STPG2: variants seen among roughly 807,000 people sequenced by gnomAD.
STPG2 encodes the protein sperm-tail PG-rich repeat-containing protein 2.
STPG2 carries 56 observed loss-of-function variants against 54.2 expected under a neutral mutation model. That is an observed-to-expected ratio of 1.03 (90% CI 0.83 to 1.29). The LOEUF (loss-of-function observed/expected upper bound fraction) is 1.29, where lower values mean the gene tolerates loss of function less well. Ranked by LOEUF, STPG2 falls within the 50% of genes most tolerant of loss-of-function variation. STPG2 has a pLI of 0.00. For missense variants in STPG2, 596 were observed against 544.9 expected (o/e 1.09, Z -0.93); for synonymous variants, 200 against 181.8 (o/e 1.10, Z -0.81).
At chr4:98,054,822 G>A (rs1248607939) in intron 5 of STPG2, among the ~76,000 whole-genome samples, 1 of 152,120 alleles carries the variant, frequency 6.6e-6, no homozygotes, top group African/African-American at 2.4e-5. Context: ...ACTGAAACAT[G>A]CTAAATATTT....
chr4:97,799,625 C>T (rs902128656), intron 9 of STPG2, among the ~76,000 whole-genome samples: 7 of 152,208 alleles, frequency 4.6e-5, no homozygotes, highest in African/African-American at 1.4e-4. Context: ...ATTTTTTCCT[C>T]CATTTCAACT....
At chr4:97,461,657 C>T (rs185206498) in intron 4 of STPG2, among the ~76,000 whole-genome samples, 79 of 152,230 alleles carry the variant, frequency 5.2e-4, no homozygotes, top group African/African-American at 1.9e-3. Context: ...TTACAGCAGC[C>T]CAAACTGACT....
intron 8 of STPG2, among the ~76,000 whole-genome samples, chr4:97,850,486 T>C (rs1251470524): frequency 6.6e-6 from 1 of 151,848 alleles, no homozygotes; most frequent in African/African-American, 2.4e-5. Context: ...TAAAATGTTA[T>C]ACAGAATTTA....
At chr4:97,967,504 A>G (rs142744540) in intron 7 of STPG2, among the ~76,000 whole-genome samples, 63,784 of 151,500 alleles carry the variant, frequency 0.42, 13,847 homozygotes, top group Admixed American at 0.53. Flanking sequence ...TGCACCAAGC[A>G]GACCTAATAG....
At chr4:98,023,114 T>G (rs1229403067) in intron 5 of STPG2, among the ~76,000 whole-genome samples, 1 of 149,820 alleles carries the variant, frequency 6.7e-6, no homozygotes, top group African/African-American at 2.6e-5. Context: ...AGTTTCCAGT[T>G]TTTCTGCTCT....
At chr4:98,020,640 T>C (rs1736148725) in intron 5 of STPG2, among the ~76,000 whole-genome samples, 1 of 152,184 alleles carries the variant, frequency 6.6e-6, no homozygotes, top group Admixed American at 6.5e-5. Context: ...TGTGAATCCA[T>C]CTGGTCCTGG....
At chr4:97,596,304 A>G (rs1225312693) in intron 10 of STPG2, among the ~76,000 whole-genome samples, 1 of 152,160 alleles carries the variant, frequency 6.6e-6, no homozygotes, top group African/African-American at 2.4e-5. Flanking sequence ...TTTCCACCCA[A>G]TAATAGTAGT....
chr4:97,458,214 A>T (rs1396455360), intron 4 of STPG2, among the ~76,000 whole-genome samples: 1 of 152,196 alleles, frequency 6.6e-6, no homozygotes, highest in East Asian at 1.9e-4. Context: ...ATACAAAAGT[A>T]TCTGAAAGTA....
At position 98,108,684 on chromosome 4, in the gene STPG2, A is replaced by G. The variant is rs553818870; in HGVS notation, c.500+509T>C. Among the ~76,000 whole-genome samples the G allele has an allele frequency of 3.3e-5, 5 of 152,280 alleles. No individual in the cohort carries two copies. The South Asian group carries it at 1.0e-3, about 32-fold the overall frequency. On this transcript the variant is annotated intron_variant, in intron 4 of 10. Coordinates refer to ENST00000295268, the MANE Select transcript of STPG2 (RefSeq NM_174952.3). ...GTGCTGTATAATCAAACGGGCTTCA[A>G]TTTAACTTTAGCTCTGCCATTTAAT...
At chr4:97,684,808 C>G (rs1723139029) in intron 10 of STPG2, among the ~76,000 whole-genome samples, 1 of 151,684 alleles carries the variant, frequency 6.6e-6, no homozygotes, top group South Asian at 2.1e-4. Flanking sequence ...AATGAAGAGA[C>G]AAGCCAAAAA....
intron 9 of STPG2, among the ~76,000 whole-genome samples, chr4:97,800,166 CCTT>C (rs1197842807): frequency 6.6e-6 from 1 of 152,156 alleles, no homozygotes; most frequent in Non-Finnish European, 1.5e-5. Flanking sequence ...TCGTCTGAAG[CCTT>C]CTTCTCTCAA....
intron 4 of STPG2, among the ~76,000 whole-genome samples, chr4:97,442,449 A>AAAGTTAATTG (rs1350416231): frequency 2.0e-5 from 3 of 152,128 alleles, no homozygotes; most frequent in African/African-American, 7.2e-5. Context: ...AAAGTTAATT[A>AAAGTTAATTG]AAGTAGGGAG....
At chr4:98,118,419 G>C (rs1199861518) in intron 3 of STPG2, among the ~76,000 whole-genome samples, 1 of 152,044 alleles carries the variant, frequency 6.6e-6, no homozygotes, top group Non-Finnish European at 1.5e-5. Context: ...AAGCAAATAG[G>C]TACATAATTC....
chr4:97,576,467 T>C (rs1277381290), intron 10 of STPG2, among the ~76,000 whole-genome samples: 1 of 151,282 alleles, frequency 6.6e-6, no homozygotes, highest in African/African-American at 2.4e-5. Context: ...AGCCACACAC[T>C]TAGACAAAGT....
At chr4:98,029,161 A>G (rs193074962) in intron 5 of STPG2, among the ~76,000 whole-genome samples, 2 of 152,304 alleles carry the variant, frequency 1.3e-5, no homozygotes, top group Admixed American at 1.3e-4. Context: ...ATGCATATTT[A>G]AACATATTGG....
intron 6 of STPG2, among the ~76,000 whole-genome samples, chr4:97,979,879 C>G (rs1238338058): frequency 6.6e-6 from 1 of 152,036 alleles, no homozygotes; most frequent in Non-Finnish European, 1.5e-5. Flanking sequence ...TGCGCACCAC[C>G]ACACCCGACT....
downstream of STPG2, among the ~76,000 whole-genome samples, chr4:97,554,181 C>G (rs1338542755): frequency 6.6e-6 from 1 of 152,152 alleles, no homozygotes; most frequent in Admixed American, 6.6e-5. Flanking sequence ...ACTTCTTCCT[C>G]CTCAAAAGAA....
chr4:98,128,478 G>C lies in STPG2; in HGVS notation c.337C>G (p.Pro113Ala). 6.2e-7 allele frequency: 1 copy of C among 1,613,542 alleles called. No individual in the cohort carries two copies. The highest frequency in any genetic ancestry group is 8.5e-7 in the Non-Finnish European group (1 of 1,179,804). Residue 113 changes from proline (P) to alanine (A), a missense_variant, in exon 3 of 11, where the codon CCA becomes GCA. Coordinates refer to ENST00000295268, the MANE Select transcript of STPG2 (RefSeq NM_174952.3). The part of the protein sequence containing the change: ...NDDGSIIKCF[P>A]PACDSTLGPA... Reference sequence around the variant, plus strand: ...CCAAGTGTACTGTCACAAGCAGGTGGAAAACATTTTATAATACTGCCATCA... The same window carrying C: ...CCAAGTGTACTGTCACAAGCAGGTGCAAAACATTTTATAATACTGCCATCA...
intron 5 of STPG2, among the ~76,000 whole-genome samples, chr4:98,001,066 T>C (rs1735399584): frequency 6.6e-6 from 1 of 152,120 alleles, no homozygotes; most frequent in Admixed American, 6.6e-5. Flanking sequence ...TTTGATTCCG[T>C]ATTACATCTG....
Sources: allele counts gnomAD v4.1 joint callset (sites outside exome capture counted in the v4.1 genomes callset), GRCh38; gene constraint gnomAD v4.1.1; transcripts MANE v1.5; gene names NCBI Gene and HGNC (gene_info 2026-07-23, HGNC 2026-07-21).